The following CCDC146 variants were observed in gnomAD, a reference collection of about 807,000 sequenced individuals.
The protein encoded by CCDC146 is coiled-coil domain containing 146, also known as coiled-coil domain-containing protein 146.
A neutral mutation model predicts 119.3 loss-of-function variants in CCDC146; 92 were observed. The ratio of observed to expected loss-of-function variants is 0.77; its 90% CI spans 0.65 to 0.92. The LOEUF (loss-of-function observed/expected upper bound fraction) is 0.92, where lower values mean the gene tolerates loss of function less well. CCDC146 is among the 40% of genes least tolerant of loss of function. The pLI is 0.00. For synonymous variants in CCDC146, 372 were observed against 371.8 expected (o/e 1.00, Z -0.01); for missense variants, 1,000 against 1,103.0 (o/e 0.91, Z 1.32).
chr7:77,212,685 TAAAC>T (rs1792210290), intron 2 of CCDC146, among the ~76,000 whole-genome samples: 2 of 145,800 alleles, frequency 1.4e-5, no homozygotes, highest in Admixed American at 6.8e-5. Context: ...CTCAAATAAA[TAAAC>T]AAATAATAAA....
At chr7:77,271,521 TATATATATATA>T (rs1793517321) in intron 9 of CCDC146, among the ~76,000 whole-genome samples, 17 of 18,720 alleles carry the variant, frequency 9.1e-4, no homozygotes, top group African/African-American at 3.3e-3. Context: ...GAGATATATA[TATATATATATA>T]TATATATATA....
intron 1 of CCDC146, among the ~76,000 whole-genome samples, chr7:77,147,906 A>T (rs1355573008): frequency 1.3e-5 from 2 of 152,226 alleles, no homozygotes; most frequent in African/African-American, 2.4e-5. Context: ...CTCAAACTCC[A>T]TGCTGGGAGA....
At chr7:77,236,862 A>G in intron 2 of CCDC146, 85 bp from the exon 3 acceptor site, 1 of 993,354 alleles carries the variant, frequency 1.0e-6, no homozygotes, top group South Asian at 1.4e-5. Context: ...GGAGGATTTT[A>G]TAAGATAACC....
At chr7:77,185,736 C>T (rs1791657709) in intron 2 of CCDC146, among the ~76,000 whole-genome samples, 1 of 152,034 alleles carries the variant, frequency 6.6e-6, no homozygotes, top group Non-Finnish European at 1.5e-5. Flanking sequence ...CATGACGTCA[C>T]CAAATGAGCT....
At position 77,241,104 on chromosome 7, in the gene CCDC146, C is replaced by T. The variant is rs553574932; in HGVS notation, c.240-587C>T. 2.5e-5 allele frequency among the ~76,000 whole-genome samples: 3 copies of T among 119,910 alleles called. No individual in the cohort carries two copies. In the South Asian group the frequency reaches 8.4e-4, roughly 34 times the overall value. The allele number at this position is 119,910 out of a possible 152,430, so 78.7% of individuals were successfully genotyped here. A position where few individuals can be genotyped will look rare whatever the true frequency, so the allele number is the denominator to read the frequency against. On this transcript the variant is annotated intron_variant, in intron 3 of 18. Transcript: ENST00000285871. ...ATGGAGTCTCACTCTGTCGCCCAGG[C>T]GGGAGTGCAGTGGCTCAATCTCGGC...
intron 1 of CCDC146, among the ~76,000 whole-genome samples, chr7:77,137,715 A>C (rs1790878859): frequency 6.6e-6 from 1 of 152,020 alleles, no homozygotes; most frequent in Non-Finnish European, 1.5e-5. Context: ...TCAAAATCTC[A>C]GCAACTCATT....
chr7:77,210,038 G>A (rs1792153730), intron 2 of CCDC146, among the ~76,000 whole-genome samples: 2 of 152,188 alleles, frequency 1.3e-5, no homozygotes, highest in Admixed American at 1.3e-4. Flanking sequence ...TCATTGTCCT[G>A]ACTGTTAACA....
rs1181517700 is a variant in CCDC146 at position 77,218,080 on chromosome 7, G to C, written c.157-18867G>C. On this transcript the variant is annotated intron_variant, in intron 2 of 18. Coordinates refer to ENST00000285871, the MANE Select transcript of CCDC146 (RefSeq NM_020879.3). ...GCTACAACCACATGACCAATGTGTT[G>C]TGCTACAATGTCAGGACAACTACAC... Among the ~76,000 whole-genome samples the C allele has an allele frequency of 4.6e-5, 7 of 152,132 alleles. No individual in the cohort carries two copies. The South Asian group carries it at 6.2e-4, about 14-fold the overall frequency.
chr7:77,212,500 A>G (rs1019323641), intron 2 of CCDC146, among the ~76,000 whole-genome samples: 40 of 151,820 alleles, frequency 2.6e-4, no homozygotes, highest in Middle Eastern at 3.4e-3. Flanking sequence ...GTGCACCTGT[A>G]GTCCCAGCTA....
At chr7:77,247,949 AAAAG>A (rs998770132) in intron 4 of CCDC146, among the ~76,000 whole-genome samples, 3 of 152,328 alleles carry the variant, frequency 2.0e-5, no homozygotes, top group Non-Finnish European at 2.9e-5. Context: ...ATACCCAAGA[AAAAG>A]AAATCATATC....
chr7:77,131,230 A>T, intron 1 of CCDC146, among the ~76,000 whole-genome samples: 1 of 151,884 alleles, frequency 6.6e-6, no homozygotes, highest in Non-Finnish European at 1.5e-5. Context: ...AAACAGGAAA[A>T]TCTGGCCAAA....
At chr7:77,160,235 T>C (rs1476358580) in intron 1 of CCDC146, among the ~76,000 whole-genome samples, 1 of 152,214 alleles carries the variant, frequency 6.6e-6, no homozygotes, top group Admixed American at 6.5e-5. Context: ...GGGCTTAGGA[T>C]TGACTTGGCG....
intron 2 of CCDC146, among the ~76,000 whole-genome samples, chr7:77,181,998 G>A (rs1320673493): frequency 6.6e-6 from 1 of 152,046 alleles, no homozygotes; most frequent in East Asian, 1.9e-4. Flanking sequence ...TAAGCAACAA[G>A]GTTAGAACCT....
rs78424943 is a variant in CCDC146 at position 77,215,356 on chromosome 7, G to A, written c.157-21591G>A. On this transcript the variant is annotated intron_variant, in intron 2 of 18. Transcript: ENST00000285871. ...TTTGACATGATTCTAGTAGTCTTGGGTAGATTTTTTGCTTTTCTGATATGA... is the reference window on the plus strand; with the variant it reads ...TTTGACATGATTCTAGTAGTCTTGGATAGATTTTTTGCTTTTCTGATATGA... Among the ~76,000 whole-genome samples the A allele has an allele frequency of 7.1e-3, 1,087 of 152,058 alleles. 4 individuals carry two copies. The highest frequency in any genetic ancestry group is 0.011 in the Non-Finnish European group (729 of 67,940).
chr7:77,229,077 A>G (rs1257468838), intron 2 of CCDC146, among the ~76,000 whole-genome samples: 1 of 152,174 alleles, frequency 6.6e-6, no homozygotes, highest in African/African-American at 2.4e-5. Flanking sequence ...ATGGTCAGTG[A>G]TGTTGAGCTT....
At chr7:77,176,597 G>A (rs1392045646) in intron 2 of CCDC146, among the ~76,000 whole-genome samples, 9 of 152,056 alleles carry the variant, frequency 5.9e-5, no homozygotes, top group Non-Finnish European at 1.2e-4. Flanking sequence ...TAGTAGACAC[G>A]GTAGGTTGTT....
chr7:77,292,816 T>C lies in CCDC146; in HGVS notation c.2416-136T>C, dbSNP rs1323802449. The C allele has an allele frequency of 6.7e-5, 56 of 837,454 alleles. 1 individual carries two copies. The highest frequency in any genetic ancestry group is 6.1e-5 in the Non-Finnish European group (33 of 539,566). 51.9% of individuals were successfully genotyped at this position (837,454 alleles called of 1,614,324 possible). On this transcript the variant is annotated intron_variant, in intron 17 of 18. Coordinates refer to ENST00000285871, the MANE Select transcript of CCDC146 (RefSeq NM_020879.3). ...ATCTGCAGTCTCTTCCAGTTCTTAA[T>C]TTCTGTGAATTCCAAGTTAGACCCT... is the stretch of plus-strand genomic sequence containing the variant.
intron 2 of CCDC146, among the ~76,000 whole-genome samples, chr7:77,175,019 C>A (rs529057514): frequency 1.3e-5 from 2 of 151,902 alleles, no homozygotes; most frequent in African/African-American, 4.8e-5. Context: ...AGGGTTAATA[C>A]AAGTGATAGC....
intron 2 of CCDC146, among the ~76,000 whole-genome samples, chr7:77,206,726 C>T (rs1205984163): frequency 6.7e-6 from 1 of 149,704 alleles, no homozygotes; most frequent in Non-Finnish European, 1.5e-5. Flanking sequence ...TAATATATAA[C>T]CTATTACATA....
Sources: gnomAD v4.1 joint callset for allele counts (sites outside exome capture counted in the v4.1 genomes callset) on GRCh38, gnomAD v4.1.1 for gene constraint, MANE v1.5 for transcripts, NCBI Gene and HGNC (gene_info 2026-07-23, HGNC 2026-07-21) for gene names.